GRID2: variants seen among roughly 807,000 people sequenced by gnomAD.
GRID2 encodes the protein glutamate ionotropic receptor delta type subunit 2, also known as glutamate receptor ionotropic, delta-2.
GRID2 carries 33 observed loss-of-function variants against 114.8 expected under a neutral mutation model. That is an observed-to-expected ratio of 0.29 (90% CI 0.22 to 0.38). The LOEUF is 0.38. Among genes scored for constraint, GRID2 ranks in the 10% least tolerant of loss-of-function variants. GRID2 has a pLI of 1.00. For synonymous variants in GRID2, 505 were observed against 449.9 expected, an observed-to-expected ratio of 1.12 and a Z score of -1.55; for missense variants, 1,184 against 1,257.7, an observed-to-expected ratio of 0.94 and a Z score of 0.89.
At chr4:93,483,678 A>G (rs369366496) in intron 11 of GRID2, among the ~76,000 whole-genome samples, 1 of 152,046 alleles carries the variant, frequency 6.6e-6, no homozygotes, top group South Asian at 2.1e-4. Context: ...TAATGTATAC[A>G]GTAGCAAGGT....
At chr4:93,547,318 T>C (rs940021293) in intron 13 of GRID2, among the ~76,000 whole-genome samples, 55 of 152,218 alleles carry the variant, frequency 3.6e-4, no homozygotes, top group Non-Finnish European at 4.1e-4. Context: ...AGGACTGAAG[T>C]TTCTAAAAAG....
At chr4:92,588,277 A>C (rs969882460) in intron 1 of GRID2, among the ~76,000 whole-genome samples, 2 of 152,114 alleles carry the variant, frequency 1.3e-5, no homozygotes, top group Non-Finnish European at 2.9e-5. Context: ...AGACAGGTTA[A>C]GTAAAAATTA....
chr4:93,084,156 C>T (rs1242712436), intron 2 of GRID2, among the ~76,000 whole-genome samples: 1 of 151,978 alleles, frequency 6.6e-6, no homozygotes, highest in Non-Finnish European at 1.5e-5. Context: ...TCAAAGTTTG[C>T]CATTATGAAA....
intron 2 of GRID2, among the ~76,000 whole-genome samples, chr4:93,033,208 C>T (rs1213763558): frequency 1.3e-5 from 2 of 152,160 alleles, no homozygotes; most frequent in African/African-American, 2.4e-5. Context: ...CTGACACCAA[C>T]TACAAATTCA....
chr4:93,624,675 A>G (rs1373066587), intron 13 of GRID2, among the ~76,000 whole-genome samples: 1 of 152,178 alleles, frequency 6.6e-6, no homozygotes, highest in Non-Finnish European at 1.5e-5. Context: ...TTGTTTAATA[A>G]TGTTACATTA....
chr4:93,084,917 A>G (rs960747564), intron 2 of GRID2, 78 bp from the exon 3 acceptor site: 3 of 1,040,958 alleles, frequency 2.9e-6, no homozygotes, highest in Admixed American at 2.2e-5. Flanking sequence ...TGTAAGCTTT[A>G]TCCATCCAGT....
chr4:93,503,726 T>C (rs1728360986), intron 12 of GRID2, among the ~76,000 whole-genome samples: 1 of 152,046 alleles, frequency 6.6e-6, no homozygotes, highest in Non-Finnish European at 1.5e-5. Flanking sequence ...TGCACAAATA[T>C]TTGTTCCACA....
intron 2 of GRID2, among the ~76,000 whole-genome samples, chr4:92,600,378 C>CAAA (rs1729168997): frequency 6.6e-6 from 1 of 151,670 alleles, no homozygotes; most frequent in Non-Finnish European, 1.5e-5. Flanking sequence ...TCTTACAGGT[C>CAAA]AAGGGATGAG....
chr4:92,512,262 C>T (rs181726614), intron 1 of GRID2, among the ~76,000 whole-genome samples: 3 of 151,860 alleles, frequency 2.0e-5, no homozygotes, highest in East Asian at 3.9e-4. Flanking sequence ...TTTTACTTAC[C>T]ATTTATCTGT....
At chr4:92,478,132 T>C (rs1177372504) in intron 1 of GRID2, among the ~76,000 whole-genome samples, 3 of 151,958 alleles carry the variant, frequency 2.0e-5, no homozygotes, top group Non-Finnish European at 4.4e-5. Context: ...AATTACCATA[T>C]CTTTGATTTT....
At chr4:93,360,270 C>T (rs1225659476) in intron 8 of GRID2, among the ~76,000 whole-genome samples, 1 of 151,580 alleles carries the variant, frequency 6.6e-6, no homozygotes, top group Non-Finnish European at 1.5e-5. Context: ...TCATTTCTTC[C>T]TTTTGCCTTT....
intron 2 of GRID2, among the ~76,000 whole-genome samples, chr4:92,724,138 C>T (rs921900469): frequency 1.3e-4 from 20 of 152,114 alleles, no homozygotes; most frequent in African/African-American, 4.6e-4. Flanking sequence ...AGTAGTCTTA[C>T]AAATCATGAG....
chr4:93,255,597 C>T (rs1749485087), intron 8 of GRID2, among the ~76,000 whole-genome samples: 1 of 151,994 alleles, frequency 6.6e-6, no homozygotes, highest in Non-Finnish European at 1.5e-5. Context: ...AGTGAGTTCT[C>T]ACTCTCGGAA....
chr4:93,467,651 C>A (rs1580168209), intron 11 of GRID2, among the ~76,000 whole-genome samples: 2 of 152,166 alleles, frequency 1.3e-5, no homozygotes, highest in African/African-American at 4.8e-5. Flanking sequence ...GGCCACTTAG[C>A]CTTTAGTCCT....
intron 2 of GRID2, among the ~76,000 whole-genome samples, chr4:92,734,171 G>A (rs1339021344): frequency 6.6e-6 from 1 of 151,816 alleles, no homozygotes; most frequent in Non-Finnish European, 1.5e-5. Flanking sequence ...TTTAAATTAT[G>A]TTAATTTTAC....
At chr4:93,072,517 T>C (rs28548833) in intron 2 of GRID2, among the ~76,000 whole-genome samples, 98 of 152,204 alleles carry the variant, frequency 6.4e-4, no homozygotes, top group Non-Finnish European at 1.0e-3. Flanking sequence ...CTCTCCTGAG[T>C]GGAACTATGG....
At chr4:92,928,852 A>G (rs1010171270) in intron 2 of GRID2, among the ~76,000 whole-genome samples, 2 of 151,514 alleles carry the variant, frequency 1.3e-5, no homozygotes, top group South Asian at 4.1e-4. Context: ...TCACAGAGCA[A>G]AATATTCAAA....
chr4:93,101,589 T>C (rs1033367594), intron 3 of GRID2, among the ~76,000 whole-genome samples: 1 of 152,144 alleles, frequency 6.6e-6, no homozygotes, highest in African/African-American at 2.4e-5. Flanking sequence ...TTTAGAAATA[T>C]ACATTAAATT....
intron 2 of GRID2, among the ~76,000 whole-genome samples, chr4:92,641,271 A>G (rs985332533): frequency 6.7e-6 from 1 of 148,814 alleles, no homozygotes; most frequent in Non-Finnish European, 1.5e-5. Context: ...ATTAAAAGGA[A>G]CATTGTTCCT....
Sources: allele counts gnomAD v4.1 joint callset (sites outside exome capture counted in the v4.1 genomes callset), GRCh38; gene constraint gnomAD v4.1.1; transcripts MANE v1.5; gene names NCBI Gene and HGNC (gene_info 2026-07-23, HGNC 2026-07-21).